The following PLA2G4A variants were observed in gnomAD, a reference collection of about 807,000 sequenced individuals.
The protein encoded by PLA2G4A is phospholipase A2 group IVA.
In PLA2G4A, 40 loss-of-function variants were observed where a neutral mutation model predicts 81.9. That is an observed-to-expected ratio of 0.49 (90% CI 0.38 to 0.64). The LOEUF is 0.64. PLA2G4A is among the 30% of genes least tolerant of loss of function. PLA2G4A has a pLI of 0.00. For missense variants in PLA2G4A, 715 were observed against 905.1 expected, an observed-to-expected ratio of 0.79 and a Z score of 2.69; for synonymous variants, 302 against 296.9, an observed-to-expected ratio of 1.02 and a Z score of -0.18.
At chr1:186,916,256 A>G (rs993386245) in intron 7 of PLA2G4A, among the ~76,000 whole-genome samples, 4 of 151,976 alleles carry the variant, frequency 2.6e-5, no homozygotes, top group African/African-American at 9.7e-5. Context: ...CCTTTTTTCC[A>G]GTGAGGATTA....
At chr1:186,837,326 G>A (rs1290541497) in intron 1 of PLA2G4A, among the ~76,000 whole-genome samples, 1 of 152,110 alleles carries the variant, frequency 6.6e-6, no homozygotes, top group Non-Finnish European at 1.5e-5. Flanking sequence ...TAACCCTTCA[G>A]AGAAGTCTGT....
chr1:186,949,271 GAAGA>G (rs1262095128), intron 12 of PLA2G4A, among the ~76,000 whole-genome samples: 13 of 134,374 alleles, frequency 9.7e-5, no homozygotes, highest in Admixed American at 6.8e-4. Flanking sequence ...AAGAAAGAAA[GAAGA>G]AAGAAAGAAG....
At chr1:186,934,967 C>T (rs1038220210) in intron 8 of PLA2G4A, among the ~76,000 whole-genome samples, 10 of 151,890 alleles carry the variant, frequency 6.6e-5, no homozygotes, top group African/African-American at 2.2e-4. Context: ...CCAACTTCTG[C>T]CATTTTAGCT....
chr1:186,832,742 T>C (rs1168292837), intron 1 of PLA2G4A, among the ~76,000 whole-genome samples: 2 of 152,226 alleles, frequency 1.3e-5, no homozygotes, highest in Non-Finnish European at 1.5e-5. Context: ...ATTTCAAATA[T>C]GATAGATATT....
intron 7 of PLA2G4A, among the ~76,000 whole-genome samples, chr1:186,917,290 C>T (rs1288009031): frequency 2.0e-5 from 3 of 152,278 alleles, no homozygotes; most frequent in African/African-American, 4.8e-5. Context: ...AAGCCTGTAG[C>T]TGTCGCTGTA....
At chr1:186,923,449 G>C (rs1363418389) in intron 7 of PLA2G4A, among the ~76,000 whole-genome samples, 1 of 152,136 alleles carries the variant, frequency 6.6e-6, no homozygotes, top group Non-Finnish European at 1.5e-5. Flanking sequence ...TCTAACATTT[G>C]TAATTTATTG....
chr1:186,891,991 A>G (rs1290438358), intron 3 of PLA2G4A, among the ~76,000 whole-genome samples: 4 of 152,162 alleles, frequency 2.6e-5, no homozygotes, highest in African/African-American at 9.7e-5. Context: ...CATTTTATCC[A>G]GGTGAGATGA....
chr1:186,834,568 A>G (rs1472535634), intron 1 of PLA2G4A, among the ~76,000 whole-genome samples: 2 of 152,182 alleles, frequency 1.3e-5, no homozygotes, highest in African/African-American at 4.8e-5. Context: ...GCGTGTTTCC[A>G]TAATAACTCA....
At chr1:186,970,263 T>C (rs551686380) in intron 15 of PLA2G4A, among the ~76,000 whole-genome samples, 1 of 152,146 alleles carries the variant, frequency 6.6e-6, no homozygotes, top group Admixed American at 6.5e-5. Flanking sequence ...CCGATTGTTT[T>C]TCCTATTGAG....
chr1:186,900,799 G>A (rs1654510344), intron 5 of PLA2G4A, among the ~76,000 whole-genome samples: 1 of 152,176 alleles, frequency 6.6e-6, no homozygotes, highest in Admixed American at 6.6e-5. Flanking sequence ...TTTGAGGAAA[G>A]TTGTCTCTAA....
intron 7 of PLA2G4A, among the ~76,000 whole-genome samples, chr1:186,916,816 A>G (rs1227930494): frequency 6.6e-6 from 1 of 152,188 alleles, no homozygotes; most frequent in African/African-American, 2.4e-5. Context: ...TACCTCGGTA[A>G]CCTGATGTAT....
At chr1:186,883,799 T>C (rs994714611) in intron 3 of PLA2G4A, among the ~76,000 whole-genome samples, 8 of 152,104 alleles carry the variant, frequency 5.3e-5, no homozygotes, top group Admixed American at 5.2e-4. Flanking sequence ...GAATTTGGCA[T>C]TGAAGTTAGG....
intron 3 of PLA2G4A, among the ~76,000 whole-genome samples, chr1:186,887,944 TA>T (rs1653994031): frequency 6.6e-6 from 1 of 152,194 alleles, no homozygotes; most frequent in Admixed American, 6.5e-5. Flanking sequence ...CTACCACTGT[TA>T]TAGATATTTC....
At chr1:186,911,419 T>G in intron 7 of PLA2G4A, 30 bp downstream of exon 7, 1 of 1,504,514 alleles carries the variant, frequency 6.6e-7, no homozygotes, top group South Asian at 1.1e-5. Context: ...AGTGTTACTA[T>G]ACTTTAATAA....
intron 2 of PLA2G4A, among the ~76,000 whole-genome samples, chr1:186,858,615 A>G (rs889613584): frequency 2.6e-5 from 4 of 152,088 alleles, no homozygotes; most frequent in Non-Finnish European, 5.9e-5. Flanking sequence ...ATCAAACTTC[A>G]TCTGGACATC....
At chr1:186,921,702 T>A (rs1285855978) in intron 7 of PLA2G4A, among the ~76,000 whole-genome samples, 1 of 152,062 alleles carries the variant, frequency 6.6e-6, no homozygotes, top group Non-Finnish European at 1.5e-5. Flanking sequence ...GAGGGGGTAC[T>A]GCTGATACCA....
intron 15 of PLA2G4A, among the ~76,000 whole-genome samples, chr1:186,966,118 T>TAA (rs10609057): frequency 5.0e-5 from 6 of 119,504 alleles, no homozygotes; most frequent in South Asian, 5.7e-4. Flanking sequence ...GAGTGGAAGT[T>TAA]AAAAAAAAAA....
intron 2 of PLA2G4A, among the ~76,000 whole-genome samples, chr1:186,861,009 T>C (rs182245199): frequency 5.6e-4 from 86 of 152,350 alleles, no homozygotes; most frequent in African/African-American, 2.0e-3. Context: ...TTTGTAGTCT[T>C]GGTGACATGA....
chr1:186,985,359 A>G (rs1484294065), intron 17 of PLA2G4A, among the ~76,000 whole-genome samples: 1 of 151,270 alleles, frequency 6.6e-6, no homozygotes, highest in African/African-American at 2.4e-5. Context: ...GCGCTCGGAT[A>G]AAAAAAAATG....
Sources: allele counts gnomAD v4.1 joint callset (sites outside exome capture counted in the v4.1 genomes callset), GRCh38; gene constraint gnomAD v4.1.1; transcripts MANE v1.5; gene names NCBI Gene and HGNC (gene_info 2026-07-23, HGNC 2026-07-21).